C6orf136: variants seen among roughly 807,000 people sequenced by gnomAD.
The protein encoded by C6orf136 is uncharacterized protein C6orf136.
In C6orf136, 29 loss-of-function variants were observed where a neutral mutation model predicts 44.0. That is an observed-to-expected ratio of 0.66 (90% CI 0.49 to 0.90). C6orf136 has a LOEUF of 0.90. Among genes scored for constraint, C6orf136 ranks in the 40% least tolerant of loss-of-function variants. The probability of loss-of-function intolerance (pLI) is 0.00; values close to 1 mark genes in which losing one functional copy is unlikely to be tolerated. For missense variants in C6orf136, 628 were observed against 669.3 expected (o/e 0.94, Z 0.68); for synonymous variants, 293 against 278.6 (o/e 1.05, Z -0.52).
In C6orf136 at chr6:30,647,441, G is replaced by T. The variant is rs755776732; in HGVS notation, c.210G>T (p.Gln70His). The change falls in exon 1 of 6, where the codon CAG becomes CAT. Residue 70 changes from glutamine to histidine, a missense_variant. Coordinates refer to ENST00000651131, the MANE Select transcript of C6orf136 (RefSeq NM_001161376.2). This position sits in a 1 kb window ranked among gnomAD's most constrained non-coding sequence, Gnocchi z 4.8. ...HPPPLPTCAL[Q>H]RVDRLGVAGA... ...CGCCCCTTCCCACCTGTGCCCTGCAGCGCGTGGACAGGCTAGGGGTCGCGG... is the reference window on the plus strand; with the variant it reads ...CGCCCCTTCCCACCTGTGCCCTGCATCGCGTGGACAGGCTAGGGGTCGCGG... 5.4e-6 allele frequency: 8 copies of T among 1,472,082 alleles called. No homozygotes were observed. Among genetic ancestry groups the T allele is most frequent in the Non-Finnish European group, 6.3e-6 (7 of 1,107,838 alleles). 91.2% of individuals were successfully genotyped at this position (1,472,082 alleles called of 1,614,324 possible). A position where few individuals can be genotyped will look rare whatever the true frequency, so the allele number is the denominator to read the frequency against.
At chr6:30,648,522 C>T (rs1333952838) in intron 1 of C6orf136, among the ~76,000 whole-genome samples, 1 of 151,492 alleles carries the variant, frequency 6.6e-6, no homozygotes, top group Non-Finnish European at 1.5e-5. Context: ...CCTCAGCCTC[C>T]CGAGTAGCTG....
Position 30,652,844 on chromosome 6 carries a change from CT to C in C6orf136, c.1421del (p.Leu474GlnfsTer17). ...HSPPTPVKKL[L>X]VGALVALGLS... Reference sequence around the variant, plus strand: ...ACCTCCAACGCCTGTGAAGAAGCTGCTAGTGGGAGCCCTGGTGGCCCTGGGG... The same window carrying C: ...ACCTCCAACGCCTGTGAAGAAGCTGCAGTGGGAGCCCTGGTGGCCCTGGGG... On this transcript the variant is annotated frameshift_variant, in exon 6 of 6. Transcript: ENST00000651131. LOFTEE classifies it high-confidence loss of function. 1 of 1,613,088 alleles carries C rather than the reference CT, an allele frequency of 6.2e-7. No individual in the cohort carries two copies. Among genetic ancestry groups the C allele is most frequent in the South Asian group, 1.1e-5 (1 of 91,088 alleles).
rs56196719 is a variant in C6orf136 at position 30,647,976 on chromosome 6, A to G, written c.615+130A>G. The G allele has an allele frequency of 3.0e-6, 4 of 1,318,724 alleles. No individual in the cohort carries two copies. The highest frequency in any genetic ancestry group is 3.0e-5 in the African/African-American group (2 of 65,714). 81.7% of individuals were successfully genotyped at this position (1,318,724 alleles called of 1,614,324 possible). On this transcript the variant is annotated intron_variant, in intron 1 of 5. Coordinates refer to ENST00000651131, the MANE Select transcript of C6orf136 (RefSeq NM_001161376.2). This position sits in a 1 kb window ranked among gnomAD's most constrained non-coding sequence, Gnocchi z 4.8. The stretch of plus-strand genomic sequence containing the variant: ...TTGCAGTTTCAACGTCGGTAAACCC[A>G]GGAGAGTGAAGGCCAGCCTTTAACT...
At chr6:30,649,504 G>C (rs1256483565) in intron 1 of C6orf136, 54 bp from the exon 2 acceptor site, 9 of 1,506,636 alleles carry the variant, frequency 6.0e-6, no homozygotes, top group Admixed American at 2.4e-5. Context: ...AGGGGATCAA[G>C]GGGTGTTAGA....
rs776116986 is a variant in C6orf136 at position 30,647,216 on chromosome 6, C to G, written c.-16C>G. The G allele has an allele frequency of 1.9e-6, 3 of 1,567,294 alleles. No individual in the cohort carries two copies. The highest frequency in any genetic ancestry group is 2.3e-5 in the South Asian group (2 of 87,310). ...AGGTCGGACTCAGGAGGCTCCTTCTCCACTCCCGGAAGATCATGTACCAGC... is the reference window on the plus strand; with the variant it reads ...AGGTCGGACTCAGGAGGCTCCTTCTGCACTCCCGGAAGATCATGTACCAGC... On this transcript the variant is annotated 5_prime_UTR_variant, in exon 1 of 6. Coordinates refer to ENST00000651131, the MANE Select transcript of C6orf136 (RefSeq NM_001161376.2). This position sits in a 1 kb window ranked among gnomAD's most constrained non-coding sequence, Gnocchi z 4.8.
intron 2 of C6orf136, 135 bp downstream of exon 2, chr6:30,650,094 G>C: frequency 4.7e-6 from 4 of 843,624 alleles, no homozygotes; most frequent in South Asian, 1.8e-5. Flanking sequence ...ACATTTTCCT[G>C]AGAAAATGAT....
In C6orf136 at chr6:30,647,338, G is replaced by T. The variant is rs756804188; in HGVS notation, c.107G>T (p.Gly36Val). 6.4e-7 allele frequency: 1 copy of T among 1,566,886 alleles called. No homozygotes were observed. The highest frequency in any genetic ancestry group is 8.6e-7 in the Non-Finnish European group (1 of 1,160,580). ...GGAGAAGAGGGAGGGAGGAGAGGGG[G>T]CGGGGAGAGACCCTCCTCAAAGCCG... Reference protein sequence around the residue: ...SGGEEGGRRGGGERPSSKPVR... With the variant: ...SGGEEGGRRGVGERPSSKPVR... The change falls in exon 1 of 6, where the codon GGC (glycine) becomes GTC (valine). Residue 36 changes from glycine (G) to valine (V), a missense_variant. Around this residue, in one of 2 missense-constraint regions of C6orf136, gnomAD observed 497 missense variants for 469.2 expected, o/e 1.06. Transcript: ENST00000651131. This position sits in a 1 kb window ranked among gnomAD's most constrained non-coding sequence, Gnocchi z 4.8.
At chr6:30,652,777 C>T (rs756504402) in intron 5 of C6orf136, 25 bp from the exon 6 acceptor site, 1 of 1,611,744 alleles carries the variant, frequency 6.2e-7, no homozygotes, top group Non-Finnish European at 8.5e-7. Flanking sequence ...CCTCCCCCAA[C>T]TGGCATTAAC....
Position 30,647,502 on chromosome 6 carries a change from A to G in C6orf136, c.271A>G (p.Arg91Gly). Residue 91 changes from arginine to glycine, a missense_variant, in exon 1 of 6, where the codon AGG becomes GGG. This residue lies in a region of C6orf136 where 497 missense variants were observed against 469.2 expected (regional missense o/e 1.06). Coordinates refer to ENST00000651131, the MANE Select transcript of C6orf136 (RefSeq NM_001161376.2). This position sits in a 1 kb window ranked among gnomAD's most constrained non-coding sequence, Gnocchi z 4.8. The part of the protein sequence containing the change: ...GGRRCRACRA[R>G]TSVLPGLRAV... ...GAGGCGCTGCCGGGCCTGTCGCGCA[A>G]GGACGTCGGTCCTCCCAGGTTTGAG... 1 of 1,498,208 alleles carries G rather than the reference A, an allele frequency of 6.7e-7. No individual in the cohort carries two copies. The highest frequency in any genetic ancestry group is 9.0e-7 in the Non-Finnish European group (1 of 1,117,052). 92.8% of individuals were successfully genotyped at this position (1,498,208 alleles called of 1,614,324 possible).
In C6orf136 at chr6:30,651,466, G is replaced by A. The variant is rs765281708; in HGVS notation, c.1307G>A (p.Arg436Gln). 5.6e-6 allele frequency: 9 copies of A among 1,606,136 alleles called. No individual in the cohort carries two copies. Among genetic ancestry groups the A allele is most frequent in the Admixed American group, 1.7e-5 (1 of 59,986 alleles). Residue 436 changes from arginine to glutamine, a missense_variant and splice_region_variant, in exon 4 of 6, where the codon CGG becomes CAG. Transcript: ENST00000651131. ...AAGCGTGACAAAGACGAGCATTACC[G>A]GTAAGAGAGAAATGAGAAAGGACCC... ...FYKRDKDEHYRTYDAYSTFYL... is the reference protein window; with the variant it reads ...FYKRDKDEHYQTYDAYSTFYL...
intron 4 of C6orf136, among the ~76,000 whole-genome samples, chr6:30,651,924 A>G (rs1767461412): frequency 6.6e-6 from 1 of 152,092 alleles, no homozygotes; most frequent in Non-Finnish European, 1.5e-5. Flanking sequence ...GTTTCTTCCT[A>G]TACAGTGCCT....
chr6:30,647,226 A>G lies in C6orf136; in HGVS notation c.-6A>G. On this transcript the variant is annotated 5_prime_UTR_variant, in exon 1 of 6. Coordinates refer to ENST00000651131, the MANE Select transcript of C6orf136 (RefSeq NM_001161376.2). The surrounding 1 kb of genome is among the most constrained non-coding windows in gnomAD (Gnocchi z 4.8). ...CAGGAGGCTCCTTCTCCACTCCCGG[A>G]AGATCATGTACCAGCCCAGCCGGGG... 1 of 1,579,706 alleles carries G rather than the reference A, an allele frequency of 6.3e-7. No individual in the cohort carries two copies. Among genetic ancestry groups the G allele is most frequent in the Non-Finnish European group, 8.6e-7 (1 of 1,167,748 alleles).
In C6orf136 at chr6:30,647,498, C is replaced by G; in HGVS notation, c.267C>G (p.Arg89=). The G allele has an allele frequency of 6.7e-7, 1 of 1,496,398 alleles. No homozygotes were observed. Among genetic ancestry groups the G allele is most frequent in the Non-Finnish European group, 9.0e-7 (1 of 1,116,244 alleles). 92.7% of individuals were successfully genotyped at this position (1,496,398 alleles called of 1,614,324 possible). The change falls in exon 1 of 6, where the codon CGC becomes CGG. Residue 89 remains arginine (R), a synonymous_variant. Transcript: ENST00000651131. The surrounding 1 kb of genome is among the most constrained non-coding windows in gnomAD (Gnocchi z 4.8). ...GAGGGAGGCGCTGCCGGGCCTGTCG[C>G]GCAAGGACGTCGGTCCTCCCAGGTT... The part of the protein sequence containing the change: ...GAGGRRCRAC[R]ARTSVLPGLR...
rs1561949006 is a variant in C6orf136 at position 30,647,942 on chromosome 6, G to A, written c.615+96G>A. ...ACTCGGGTGAGGCCTAACTTTGGGTGACCTCCCCTTGCAGTTTCAACGTCG... is the reference window on the plus strand; with the variant it reads ...ACTCGGGTGAGGCCTAACTTTGGGTAACCTCCCCTTGCAGTTTCAACGTCG... On this transcript the variant is annotated intron_variant, in intron 1 of 5. Coordinates refer to ENST00000651131, the MANE Select transcript of C6orf136 (RefSeq NM_001161376.2). The surrounding 1 kb of genome is among the most constrained non-coding windows in gnomAD (Gnocchi z 4.8). 1 of 1,410,952 alleles carries A rather than the reference G, an allele frequency of 7.1e-7. No individual in the cohort carries two copies. Among genetic ancestry groups the A allele is most frequent in the Admixed American group, 3.0e-5 (1 of 33,238 alleles). 87.4% of individuals were successfully genotyped at this position (1,410,952 alleles called of 1,614,324 possible).
In C6orf136 at chr6:30,652,696, T is replaced by C; in HGVS notation, c.1356T>C (p.Ile452=). 1 of 1,613,084 alleles carries C rather than the reference T, an allele frequency of 6.2e-7. No homozygotes were observed. The highest frequency in any genetic ancestry group is 8.5e-7 in the Non-Finnish European group (1 of 1,180,042). The change falls in exon 5 of 6, where the codon ATT becomes ATC. Residue 452 remains isoleucine (I), a synonymous_variant. Coordinates refer to ENST00000651131, the MANE Select transcript of C6orf136 (RefSeq NM_001161376.2). ...STFYLNSSGL[I]CRHRLDKLMP... is the part of the protein sequence containing the mutation. ...TCTACCTGAATTCCAGTGGCCTCAT[T>C]TGTCGCCATCGTCTAGATAAAGTGA...
At position 30,647,920 on chromosome 6, in the gene C6orf136, C is replaced by G; in HGVS notation, c.615+74C>G. 1.4e-6 allele frequency: 2 copies of G among 1,421,324 alleles called. No homozygotes were observed. The highest frequency in any genetic ancestry group is 1.8e-6 in the Non-Finnish European group (2 of 1,092,186). The allele number at this position is 1,421,324 out of a possible 1,614,324, so 88.0% of individuals were successfully genotyped here. A position where few individuals can be genotyped will look rare whatever the true frequency, so the allele number is the denominator to read the frequency against. ...GGGGTTCCTTGGGAGCGGAGGGACTCGGGTGAGGCCTAACTTTGGGTGACC... is the reference window on the plus strand; with the variant it reads ...GGGGTTCCTTGGGAGCGGAGGGACTGGGGTGAGGCCTAACTTTGGGTGACC... On this transcript the variant is annotated intron_variant, in intron 1 of 5. Transcript: ENST00000651131. The surrounding 1 kb of genome is among the most constrained non-coding windows in gnomAD (Gnocchi z 4.8).
In C6orf136 at chr6:30,647,199, C is replaced by G. The variant is rs1379479795; in HGVS notation, c.-33C>G. On this transcript the variant is annotated 5_prime_UTR_variant, in exon 1 of 6. Coordinates refer to ENST00000651131, the MANE Select transcript of C6orf136 (RefSeq NM_001161376.2). This position sits in a 1 kb window ranked among gnomAD's most constrained non-coding sequence, Gnocchi z 4.8. ...CCCTGTGAGGAGGCCGGAGGTCGGA[C>G]TCAGGAGGCTCCTTCTCCACTCCCG... 14 of 1,539,494 alleles carry G rather than the reference C, an allele frequency of 9.1e-6. No individual in the cohort carries two copies. Among genetic ancestry groups the G allele is most frequent in the African/African-American group, 1.4e-5 (1 of 70,398 alleles).
At position 30,647,794 on chromosome 6, in the gene C6orf136, A is replaced by T; in HGVS notation, c.563A>T (p.Asp188Val). 6.5e-7 allele frequency: 1 copy of T among 1,540,650 alleles called. No homozygotes were observed. Among genetic ancestry groups the T allele is most frequent in the Non-Finnish European group, 8.7e-7 (1 of 1,144,466 alleles). ...GGGCCCCTGCGCCCGGGCTGGCAAG[A>T]TGGCCACGCCCCCAGCAGAGACGGC... ...RFGPLRPGWQDGHAPSRDGAS... is the reference protein window; with the variant it reads ...RFGPLRPGWQVGHAPSRDGAS... The change falls in exon 1 of 6, where the codon GAT becomes GTT. Residue 188 changes from aspartate to valine, a missense_variant. Physicochemically the swap from Asp to Val is radical, Grantham distance 152. Transcript: ENST00000651131. The surrounding 1 kb of genome is among the most constrained non-coding windows in gnomAD (Gnocchi z 4.8).
chr6:30,652,629 GCCT>G lies in C6orf136; in HGVS notation c.1308-16_1308-14del. 1 of 1,611,162 alleles carries G rather than the reference GCCT, an allele frequency of 6.2e-7. No homozygotes were observed. Among genetic ancestry groups the G allele is most frequent in the Non-Finnish European group, 8.5e-7 (1 of 1,178,306 alleles). On this transcript the variant is annotated splice_polypyrimidine_tract_variant and intron_variant, in intron 4 of 5. Coordinates refer to ENST00000651131, the MANE Select transcript of C6orf136 (RefSeq NM_001161376.2). The stretch of plus-strand genomic sequence containing the variant: ...GACCAGTCACCTTCTCCCTCAGTAA[GCCT>G]CCCTCTATTCCCCAGGACCTATGAT...
Sources: allele counts gnomAD v4.1 joint callset (sites outside exome capture counted in the v4.1 genomes callset), GRCh38; gene constraint gnomAD v4.1.1; regional missense constraint gnomAD v4.1.1; non-coding constraint Gnocchi (gnomAD v3.1); transcripts MANE v1.5; gene names NCBI Gene and HGNC (gene_info 2026-07-23, HGNC 2026-07-21).